The following BABAM2 variants were observed in gnomAD, a reference collection of about 807,000 sequenced individuals.
BABAM2 encodes BRISC and BRCA1-A complex member 2.
In BABAM2, 31 loss-of-function variants were observed where a neutral mutation model predicts 54.7. The observed-to-expected ratio is 0.57, with a 90% confidence interval of 0.43 to 0.77. BABAM2 has a LOEUF of 0.77. Among genes scored for constraint, BABAM2 ranks in the 30% least tolerant of loss-of-function variants. The pLI is 0.00. For missense variants in BABAM2, 364 were observed against 455.8 expected, an observed-to-expected ratio of 0.80 and a Z score of 1.83; for synonymous variants, 167 against 162.9, an observed-to-expected ratio of 1.03 and a Z score of -0.19.
In BABAM2 at chr2:27,894,645, A is replaced by G. The variant is rs897318429; in HGVS notation, c.89A>G (p.Asp30Gly). The G allele has an allele frequency of 1.2e-6, 2 of 1,614,050 alleles. No individual in the cohort carries two copies. Among genetic ancestry groups the G allele is most frequent in the East Asian group, 2.2e-5 (1 of 44,892 alleles). ...GTCCGGAATGGAAAAGTGGGACTGG[A>G]TGCTACAAACTGTTTGAGGATAACT... ...SVVRNGKVGLDATNCLRITDL... is the reference protein window; with the variant it reads ...SVVRNGKVGLGATNCLRITDL... Residue 30 changes from aspartate to glycine, a missense_variant, in exon 2 of 12, where the codon GAT becomes GGT. By Grantham distance (94) the Asp-to-Gly change is moderately conservative. Transcript: ENST00000379624.
chr2:28,299,646 G>A (rs546597950), intron 11 of BABAM2, among the ~76,000 whole-genome samples: 2 of 152,180 alleles, frequency 1.3e-5, no homozygotes, highest in South Asian at 2.1e-4. Flanking sequence ...AATGATAAAC[G>A]AATTAGAAAT....
rs1683831628 is a variant in BABAM2, at chr2:28,254,827, G to A, written c.934+9965G>A. ...TAGCTCATTGCAGCCTCAAACTCCT[G>A]GACTCAAGGGACCCTCCCACCTCAG... is the stretch of plus-strand genomic sequence containing the variant. On this transcript the variant is annotated intron_variant, in intron 10 of 11. Coordinates refer to ENST00000379624, the MANE Select transcript of BABAM2 (RefSeq NM_199191.3). Among the ~76,000 whole-genome samples, 3 of 146,932 alleles carry A rather than the reference G, an allele frequency of 2.0e-5. No homozygotes were observed. In the Admixed American group the frequency reaches 2.1e-4, roughly 10 times the overall value.
At chr2:27,889,303 C>A (rs1193970718), upstream of BABAM2, among the ~76,000 whole-genome samples, 1 of 152,166 alleles carries the variant, frequency 6.6e-6, no homozygotes, top group East Asian at 1.9e-4. Context: ...TTTAGTTCCA[C>A]GTTCTCTATT....
chr2:27,923,475 C>T (rs907647298), intron 2 of BABAM2, among the ~76,000 whole-genome samples: 2 of 151,536 alleles, frequency 1.3e-5, no homozygotes, highest in African/African-American at 4.9e-5. Flanking sequence ...AAAAATTTAG[C>T]TGAGTGTGGT....
chr2:27,999,578 C>T (rs1280297694), intron 4 of BABAM2, among the ~76,000 whole-genome samples: 2 of 152,216 alleles, frequency 1.3e-5, no homozygotes, highest in Non-Finnish European at 2.9e-5. Flanking sequence ...TAAAAAACTT[C>T]CACAGCCTTA....
At chr2:28,025,819 A>T (rs1675614416) in intron 5 of BABAM2, among the ~76,000 whole-genome samples, 1 of 152,226 alleles carries the variant, frequency 6.6e-6, no homozygotes, top group Non-Finnish European at 1.5e-5. Context: ...AGAGGTCAGT[A>T]ACTCTGGAAG....
intron 10 of BABAM2, among the ~76,000 whole-genome samples, chr2:28,276,168 G>A (rs1052901037): frequency 2.0e-5 from 3 of 152,118 alleles, no homozygotes; most frequent in African/African-American, 7.2e-5. Flanking sequence ...GATGTAATTT[G>A]TACTGTTTAG....
chr2:28,046,634 A>G (rs910071460), intron 6 of BABAM2, among the ~76,000 whole-genome samples: 1 of 152,206 alleles, frequency 6.6e-6, no homozygotes, highest in Non-Finnish European at 1.5e-5. Flanking sequence ...GCCTAGAGAA[A>G]AGACAGAATC....
intron 7 of BABAM2, among the ~76,000 whole-genome samples, chr2:28,145,013 G>T (rs1446257467): frequency 6.6e-6 from 1 of 152,206 alleles, no homozygotes; most frequent in Middle Eastern, 3.2e-3. Context: ...GTTGGGATTT[G>T]ATTAAAAGTG....
chr2:27,955,915 T>C (rs770001918), intron 3 of BABAM2, among the ~76,000 whole-genome samples: 4 of 152,140 alleles, frequency 2.6e-5, no homozygotes, highest in Non-Finnish European at 4.4e-5. Context: ...ACCTATGTTG[T>C]GAGATTTAGA....
intron 6 of BABAM2, among the ~76,000 whole-genome samples, chr2:28,100,353 G>A (rs12611701): frequency 0.071 from 10,731 of 151,752 alleles, 449 homozygotes; most frequent in East Asian, 0.15. Context: ...CCAGCTCCTT[G>A]GGAGGCTGAA....
chr2:28,166,116 C>T (rs1429616899), intron 7 of BABAM2, among the ~76,000 whole-genome samples: 1 of 152,200 alleles, frequency 6.6e-6, no homozygotes, highest in East Asian at 1.9e-4. Flanking sequence ...TCAAGAGAAT[C>T]CAGCCCTGCT....
At chr2:28,071,423 A>G (rs1381499913) in intron 6 of BABAM2, among the ~76,000 whole-genome samples, 1 of 152,140 alleles carries the variant, frequency 6.6e-6, no homozygotes, top group African/African-American at 2.4e-5. Flanking sequence ...TGGCAGCTGG[A>G]TGGAAAGGCT....
At chr2:27,948,647 T>G (rs1434419567) in intron 3 of BABAM2, among the ~76,000 whole-genome samples, 17 of 152,192 alleles carry the variant, frequency 1.1e-4, no homozygotes, top group Admixed American at 1.1e-3. Context: ...GGCGCATGCC[T>G]GTAATCCCAG....
rs145597432 is a variant in BABAM2 at position 28,288,510 on chromosome 2, C to T, written c.935-9828C>T. On this transcript the variant is annotated intron_variant, in intron 10 of 11. Coordinates refer to ENST00000379624, the MANE Select transcript of BABAM2 (RefSeq NM_199191.3). ...CAGGCTAATTTTTGTATTTTTAGTA[C>T]AGACGGGGTTTTACCATGTTCGTCA... Among the ~76,000 whole-genome samples, 611 of 151,860 alleles carry T rather than the reference C, an allele frequency of 4.0e-3. 4 individuals are homozygous for T. Among genetic ancestry groups the T allele is most frequent in the African/African-American group, 0.014 (588 of 41,450 alleles).
rs536343954 is a variant in BABAM2 at position 28,171,768 on chromosome 2, G to C, written c.680+42388G>C. Among the ~76,000 whole-genome samples the C allele has an allele frequency of 2.6e-5, 4 of 152,124 alleles. No homozygotes were observed. The East Asian group carries it at 7.7e-4, about 29-fold the overall frequency. Reference sequence around the variant, plus strand: ...AATTATGTCATGGATATGTGGGCTGGCTCTCCTAGGTATGTGTAGCACCTG... The same window carrying C: ...AATTATGTCATGGATATGTGGGCTGCCTCTCCTAGGTATGTGTAGCACCTG... On this transcript the variant is annotated intron_variant, in intron 7 of 11. Transcript: ENST00000379624.
At chr2:28,259,959 G>A (rs2148128982) in intron 10 of BABAM2, among the ~76,000 whole-genome samples, 1 of 151,200 alleles carries the variant, frequency 6.6e-6, no homozygotes, top group African/African-American at 2.4e-5. Flanking sequence ...GGAGTGCAGT[G>A]GCACGATCTC....
chr2:28,014,584 T>A (rs1674658986), intron 4 of BABAM2, among the ~76,000 whole-genome samples: 1 of 152,046 alleles, frequency 6.6e-6, no homozygotes, highest in South Asian at 2.1e-4. Context: ...ATGGCAGATA[T>A]TTGCATTTCT....
intron 2 of BABAM2, among the ~76,000 whole-genome samples, chr2:27,904,822 C>T (rs1263284595): frequency 1.3e-5 from 2 of 152,090 alleles, no homozygotes; most frequent in Non-Finnish European, 2.9e-5. Flanking sequence ...AATTTATATC[C>T]TTTTCTCCCT....
Sources: allele counts gnomAD v4.1 joint callset (sites outside exome capture counted in the v4.1 genomes callset), GRCh38; gene constraint gnomAD v4.1.1; transcripts MANE v1.5; gene names NCBI Gene and HGNC (gene_info 2026-07-23, HGNC 2026-07-21).